PAPSS1: variants seen among roughly 807,000 people sequenced by gnomAD.
PAPSS1 encodes the protein 3'-phosphoadenosine 5'-phosphosulfate synthase 1.
In PAPSS1, 50 loss-of-function variants were observed where a neutral mutation model predicts 72.0. The observed-to-expected ratio is 0.69, with a 90% CI of 0.55 to 0.88. The LOEUF (loss-of-function observed/expected upper bound fraction) is 0.88, where lower values mean the gene tolerates loss of function less well. Among genes scored for constraint, PAPSS1 ranks in the 40% least tolerant of loss-of-function variants. The pLI is 0.00. For missense variants in PAPSS1, 657 were observed against 782.2 expected (o/e 0.84, Z 1.91); for synonymous variants, 261 against 263.6 (o/e 0.99, Z 0.09).
intron 10 of PAPSS1, among the ~76,000 whole-genome samples, chr4:107,643,322 C>T (rs1015816681): frequency 6.6e-6 from 1 of 152,180 alleles, no homozygotes; most frequent in African/African-American, 2.4e-5. Flanking sequence ...AGCAGCAGCA[C>T]CCAAAGGTAT....
chr4:107,687,037 A>C lies in PAPSS1; in HGVS notation c.550+2T>G. 2 of 1,598,058 alleles carry C rather than the reference A, an allele frequency of 1.3e-6. No homozygotes were observed. The highest frequency in any genetic ancestry group is 1.7e-6 in the Non-Finnish European group (2 of 1,175,134). ...TGAAACTGGGAAGAAAATATTACTG[A>C]CCTTTAATTTCTCCTGCCCGGGCTT... On this transcript the variant is annotated splice_donor_variant, in intron 4 of 11. Coordinates refer to ENST00000265174, the MANE Select transcript of PAPSS1 (RefSeq NM_005443.5). LOFTEE classifies it high-confidence loss of function.
intron 5 of PAPSS1, among the ~76,000 whole-genome samples, chr4:107,667,402 C>CAGGGT (rs1050597018): frequency 6.6e-6 from 1 of 152,074 alleles, no homozygotes; most frequent in Non-Finnish European, 1.5e-5. Context: ...GGTGTGGGGA[C>CAGGGT]AGGGTAGGGA....
chr4:107,662,211 T>C (rs1459478750), intron 5 of PAPSS1, among the ~76,000 whole-genome samples: 1 of 152,198 alleles, frequency 6.6e-6, no homozygotes, highest in Non-Finnish European at 1.5e-5. Context: ...AACGGCACTT[T>C]CTGGAAGCCT....
At chr4:107,635,042 C>T (rs1426733516) in intron 10 of PAPSS1, among the ~76,000 whole-genome samples, 1 of 152,120 alleles carries the variant, frequency 6.6e-6, no homozygotes, top group East Asian at 1.9e-4. Context: ...TTGTGATCCG[C>T]CCGCCTTGGC....
intron 2 of PAPSS1, among the ~76,000 whole-genome samples, chr4:107,699,461 T>C (rs950512829): frequency 6.6e-6 from 1 of 151,972 alleles, no homozygotes; most frequent in Non-Finnish European, 1.5e-5. Context: ...AGACCTGATA[T>C]AAAACAAAGC....
intron 1 of PAPSS1, among the ~76,000 whole-genome samples, chr4:107,706,105 TTAACTA>T (rs1312351765): frequency 2.6e-5 from 4 of 152,218 alleles, no homozygotes; most frequent in Non-Finnish European, 4.4e-5. Context: ...TTTTGACAGT[TTAACTA>T]TATGTCTTGA....
intron 11 of PAPSS1, among the ~76,000 whole-genome samples, chr4:107,625,476 G>T (rs1019108604): frequency 5.9e-5 from 9 of 152,110 alleles, no homozygotes; most frequent in Non-Finnish European, 1.5e-5. Flanking sequence ...TGGCCTCTAG[G>T]AGCAGACAGC....
intron 4 of PAPSS1, among the ~76,000 whole-genome samples, chr4:107,683,100 A>T (rs1416293008): frequency 6.6e-6 from 1 of 152,162 alleles, no homozygotes; most frequent in Non-Finnish European, 1.5e-5. Context: ...CCCACACGTA[A>T]GTCATTCAAG....
intron 2 of PAPSS1, among the ~76,000 whole-genome samples, chr4:107,698,746 C>A (rs559021459): frequency 2.0e-5 from 3 of 152,250 alleles, no homozygotes; most frequent in African/African-American, 7.2e-5. Flanking sequence ...AGGGAGGGCC[C>A]CACAACATTG....
rs566544869 is a variant in PAPSS1 at position 107,676,984 on chromosome 4, T to G, written c.669+5031A>C. 1.9e-4 allele frequency among the ~76,000 whole-genome samples: 29 copies of G among 152,164 alleles called. No individual in the cohort carries two copies. The Middle Eastern group carries it at 0.01, about 54-fold the overall frequency. Reference sequence around the variant, plus strand: ...TGCTGGGAAAACTGGCTAGCCATATTTAGAAAGCTGAAACTGGATCCCTTC... The same window carrying G: ...TGCTGGGAAAACTGGCTAGCCATATGTAGAAAGCTGAAACTGGATCCCTTC... On this transcript the variant is annotated intron_variant, in intron 5 of 11. Transcript: ENST00000265174.
Position 107,719,626 on chromosome 4 carries a change from A to G in PAPSS1, c.60+494T>C, listed in dbSNP as rs1389970821. ...CTTTCACACTGAAACTCAGAAATGG[A>G]AAGACACGGAGATGGACCCAAACCT... On this transcript the variant is annotated intron_variant, in intron 1 of 11. Coordinates refer to ENST00000265174, the MANE Select transcript of PAPSS1 (RefSeq NM_005443.5). 2.6e-5 allele frequency among the ~76,000 whole-genome samples: 4 copies of G among 152,334 alleles called. No homozygotes were observed. The East Asian group carries it at 5.8e-4, about 22-fold the overall frequency.
At position 107,654,872 on chromosome 4, in the gene PAPSS1, T is replaced by G; in HGVS notation, c.924A>C (p.Ile308=). ...DGGVINLSVP[I]VLTATHEDKE... ...TATCTTCATGAGTCGCAGTCAGAAC[T>G]ATAGGTACTGACAAGTTAATGACAC... The change falls in exon 8 of 12, where the codon ATA becomes ATC. Residue 308 remains isoleucine, a synonymous_variant. Coordinates refer to ENST00000265174, the MANE Select transcript of PAPSS1 (RefSeq NM_005443.5). 3 of 1,613,802 alleles carry G rather than the reference T, an allele frequency of 1.9e-6. No individual in the cohort carries two copies. In the East Asian group the frequency reaches 6.7e-5, roughly 36 times the overall value.
chr4:107,620,954 T>C lies in PAPSS1; in HGVS notation c.1737-6567A>G, dbSNP rs78988393. Among the ~76,000 whole-genome samples, 200 of 152,322 alleles carry C rather than the reference T, an allele frequency of 1.3e-3. 2 individuals are homozygous for C. In the East Asian group the frequency reaches 0.034, roughly 26 times the overall value. On this transcript the variant is annotated intron_variant, in intron 11 of 11. Transcript: ENST00000265174. ...ACAGTTATTTCCTCCTAGACCTCTTTACAGTAAGAAAGAAGGTCAATGACT... is the reference window on the plus strand; with the variant it reads ...ACAGTTATTTCCTCCTAGACCTCTTCACAGTAAGAAAGAAGGTCAATGACT...
At chr4:107,643,595 G>A (rs2110310643) in intron 10 of PAPSS1, among the ~76,000 whole-genome samples, 1 of 152,228 alleles carries the variant, frequency 6.6e-6, no homozygotes, top group African/African-American at 2.4e-5. Flanking sequence ...TCTGCTCTCA[G>A]GGTATCCAAT....
chr4:107,643,231 G>A (rs1199414109), intron 10 of PAPSS1, among the ~76,000 whole-genome samples: 1 of 152,194 alleles, frequency 6.6e-6, no homozygotes, highest in East Asian at 1.9e-4. Flanking sequence ...ATGCTGTGAT[G>A]CAATACTCAG....
intron 1 of PAPSS1, among the ~76,000 whole-genome samples, chr4:107,713,949 ACTGTGT>A (rs1268800997): frequency 1.3e-5 from 2 of 152,160 alleles, no homozygotes; most frequent in African/African-American, 4.8e-5. Flanking sequence ...AAATTTAACA[ACTGTGT>A]CTTTAGGAAA....
chr4:107,622,540 G>C (rs551270849), intron 11 of PAPSS1, among the ~76,000 whole-genome samples: 1 of 152,264 alleles, frequency 6.6e-6, no homozygotes, highest in South Asian at 2.1e-4. Context: ...CTTATGAAAA[G>C]ATAAAACAAA....
intron 8 of PAPSS1, 130 bp downstream of exon 8, chr4:107,654,560 ATAATC>A (rs1560573688): frequency 6.8e-6 from 5 of 731,470 alleles, no homozygotes; most frequent in Non-Finnish European, 1.2e-5. Flanking sequence ...ACTCATCACA[ATAATC>A]TAAGGTCCAA....
intron 10 of PAPSS1, among the ~76,000 whole-genome samples, chr4:107,642,268 A>C (rs184000776): frequency 2.7e-3 from 417 of 152,246 alleles, no homozygotes; most frequent in Non-Finnish European, 4.3e-3. Flanking sequence ...AAATATTTTA[A>C]CGTTATATAA....
Sources: gnomAD v4.1 joint callset for allele counts (sites outside exome capture counted in the v4.1 genomes callset) on GRCh38, gnomAD v4.1.1 for gene constraint, MANE v1.5 for transcripts, NCBI Gene and HGNC (gene_info 2026-07-23, HGNC 2026-07-21) for gene names.